The following PLPPR1 variants were observed in gnomAD, a reference collection of about 807,000 sequenced individuals.
The protein encoded by PLPPR1 is phospholipid phosphatase-related protein type 1.
A neutral mutation model predicts 33.1 loss-of-function variants in PLPPR1; 10 were observed. The ratio of observed to expected loss-of-function variants is 0.30; its 90% CI spans 0.19 to 0.51. PLPPR1 has a LOEUF of 0.51. Among genes scored for constraint, PLPPR1 ranks in the 20% least tolerant of loss-of-function variants. The pLI is 0.97. For synonymous variants in PLPPR1, 151 were observed against 151.0 expected, an observed-to-expected ratio of 1.00 and a Z score of 0.00; for missense variants, 304 against 408.1, an observed-to-expected ratio of 0.74 and a Z score of 2.20.
intron 1 of PLPPR1, among the ~76,000 whole-genome samples, chr9:101,043,266 CCAT>C (rs1830101356): frequency 6.6e-6 from 1 of 151,304 alleles, no homozygotes; most frequent in Non-Finnish European, 1.5e-5. Flanking sequence ...GAGTAGTATT[CCAT>C]CATATATATA....
chr9:101,225,898 G>T (rs1344822989), intron 2 of PLPPR1, among the ~76,000 whole-genome samples: 1 of 152,016 alleles, frequency 6.6e-6, no homozygotes, highest in Non-Finnish European at 1.5e-5. Flanking sequence ...GGATGTTTAG[G>T]ATCAACCCAT....
chr9:101,086,902 G>A (rs1316408197), intron 1 of PLPPR1, among the ~76,000 whole-genome samples: 2 of 152,070 alleles, frequency 1.3e-5, no homozygotes. Context: ...TGAAAGTCTG[G>A]GAGCAGCAAC....
At chr9:101,263,819 T>G (rs984455125) in intron 2 of PLPPR1, among the ~76,000 whole-genome samples, 15 of 152,180 alleles carry the variant, frequency 9.9e-5, no homozygotes, top group African/African-American at 3.6e-4. Flanking sequence ...GATGAAGAGT[T>G]AATTTACGTA....
intron 1 of PLPPR1, among the ~76,000 whole-genome samples, chr9:101,061,576 A>G (rs1413878777): frequency 6.6e-6 from 1 of 151,972 alleles, no homozygotes. Context: ...AATGGCAAAA[A>G]GTGCAATTAC....
At chr9:101,092,086 T>C (rs1192083798) in intron 1 of PLPPR1, among the ~76,000 whole-genome samples, 9 of 152,152 alleles carry the variant, frequency 5.9e-5, no homozygotes, top group Non-Finnish European at 1.0e-4. Context: ...AACTTCATCT[T>C]CCTCCAGCAC....
intron 2 of PLPPR1, among the ~76,000 whole-genome samples, chr9:101,224,435 A>G (rs1827017089): frequency 6.6e-6 from 1 of 152,146 alleles, no homozygotes; most frequent in African/African-American, 2.4e-5. Flanking sequence ...AAAGTTAATG[A>G]TGCTCTCGGC....
chr9:101,190,204 T>C (rs1393901521), intron 2 of PLPPR1, among the ~76,000 whole-genome samples: 1 of 152,124 alleles, frequency 6.6e-6, no homozygotes, highest in African/African-American at 2.4e-5. Flanking sequence ...TACCTGTGAA[T>C]TGAAAGGGAA....
chr9:101,261,620 G>T (rs1319844832), intron 2 of PLPPR1, among the ~76,000 whole-genome samples: 2 of 152,116 alleles, frequency 1.3e-5, no homozygotes, highest in Non-Finnish European at 2.9e-5. Context: ...TGATAGACTG[G>T]ATAAATAAAC....
At chr9:101,205,763 C>CA (rs1285120077) in intron 2 of PLPPR1, among the ~76,000 whole-genome samples, 1 of 152,110 alleles carries the variant, frequency 6.6e-6, no homozygotes, top group Admixed American at 6.5e-5. Context: ...GGCCGTATGC[C>CA]AGGCACTGAA....
chr9:101,117,553 A>G (rs1831130849), intron 1 of PLPPR1, among the ~76,000 whole-genome samples: 1 of 152,192 alleles, frequency 6.6e-6, no homozygotes, highest in Admixed American at 6.5e-5. Flanking sequence ...GCATATAATA[A>G]AGAAATAACC....
intron 1 of PLPPR1, among the ~76,000 whole-genome samples, chr9:101,135,534 A>T (rs567281983): frequency 6.6e-6 from 1 of 152,260 alleles, no homozygotes; most frequent in African/African-American, 2.4e-5. Flanking sequence ...AACTACCTCA[A>T]GATCAATGAC....
At chr9:101,316,822 G>T (rs1564036967) in intron 6 of PLPPR1, among the ~76,000 whole-genome samples, 1 of 152,116 alleles carries the variant, frequency 6.6e-6, no homozygotes, top group Non-Finnish European at 1.5e-5. Context: ...AACATGGACT[G>T]AATACTTGCT....
intron 1 of PLPPR1, among the ~76,000 whole-genome samples, chr9:101,135,442 AT>A (rs1380412381): frequency 6.6e-6 from 1 of 152,118 alleles, no homozygotes; most frequent in African/African-American, 2.4e-5. Flanking sequence ...GGGTCTCCTT[AT>A]TTCTGTCCCT....
chr9:101,158,470 C>T (rs976442689), intron 1 of PLPPR1, among the ~76,000 whole-genome samples: 16 of 152,074 alleles, frequency 1.1e-4, no homozygotes, highest in African/African-American at 3.4e-4. Context: ...AAAGCAGATA[C>T]AAATAGTTTC....
At chr9:101,163,507 A>T (rs1825800377) in intron 1 of PLPPR1, among the ~76,000 whole-genome samples, 1 of 152,176 alleles carries the variant, frequency 6.6e-6, no homozygotes, top group African/African-American at 2.4e-5. Flanking sequence ...TCTGTTGAAC[A>T]GGTGCTTTTT....
intron 1 of PLPPR1, among the ~76,000 whole-genome samples, chr9:101,181,759 CACATACATATAT>C (rs1826117716): frequency 2.1e-5 from 3 of 145,162 alleles, no homozygotes; most frequent in African/African-American, 7.6e-5. Context: ...ACACACAACA[CACATACATATAT>C]ACACACACAT....
chr9:101,125,133 A>G (rs1317293891), intron 1 of PLPPR1, among the ~76,000 whole-genome samples: 3 of 150,870 alleles, frequency 2.0e-5, no homozygotes, highest in African/African-American at 7.3e-5. Context: ...CTGACCTTAT[A>G]TTGCTAGTCT....
At chr9:101,191,154 A>AG (rs1826290834) in intron 2 of PLPPR1, among the ~76,000 whole-genome samples, 1 of 152,176 alleles carries the variant, frequency 6.6e-6, no homozygotes, top group Non-Finnish European at 1.5e-5. Context: ...GACAGGTCAT[A>AG]GCTCTTTACT....
intron 2 of PLPPR1, among the ~76,000 whole-genome samples, chr9:101,224,939 A>G (rs1722685044): frequency 1.3e-5 from 2 of 152,158 alleles, no homozygotes; most frequent in South Asian, 4.1e-4. Flanking sequence ...CTTTTTATTA[A>G]TCTTTCTTAA....
Sources: allele counts gnomAD v4.1 joint callset (sites outside exome capture counted in the v4.1 genomes callset), GRCh38; gene constraint gnomAD v4.1.1; transcripts MANE v1.5; gene names NCBI Gene and HGNC (gene_info 2026-07-23, HGNC 2026-07-21).